The following SLC9C1 variants were observed in gnomAD, a reference collection of about 807,000 sequenced individuals.
The protein encoded by SLC9C1 is sodium/hydrogen exchanger 10.
Under a neutral mutation model 140.9 loss-of-function variants are expected in SLC9C1, and 97 were observed. The ratio of observed to expected loss-of-function variants is 0.69; its 90% CI spans 0.58 to 0.82. The LOEUF (loss-of-function observed/expected upper bound fraction) is 0.82. Among genes scored for constraint, SLC9C1 ranks in the 40% least tolerant of loss-of-function variants. The pLI is 0.00. For synonymous variants in SLC9C1, 440 were observed against 442.6 expected (o/e 0.99, Z 0.07); for missense variants, 1,340 against 1,389.3 (o/e 0.96, Z 0.56).
chr3:112,181,238 A>G (rs2077434335), intron 21 of SLC9C1, among the ~76,000 whole-genome samples: 1 of 152,210 alleles, frequency 6.6e-6, no homozygotes, highest in South Asian at 2.1e-4. Context: ...ATTAGAAAAG[A>G]AGTACTCTAG....
chr3:112,233,701 A>G (rs13080373), intron 12 of SLC9C1, among the ~76,000 whole-genome samples: 87,624 of 149,024 alleles, frequency 0.59, 26,320 homozygotes, highest in East Asian at 0.78. Flanking sequence ...TCATTGTTCA[A>G]TTCCCACCTA....
chr3:112,169,365 G>T (rs552774208), intron 23 of SLC9C1, 37 bp from the exon 24 acceptor site: 44 of 1,583,106 alleles, frequency 2.8e-5, no homozygotes, highest in Non-Finnish European at 3.8e-5. Context: ...ATTTTATTTT[G>T]TGCACTATGG....
In SLC9C1 at chr3:112,202,282, C is replaced by A. The variant is rs369206409; in HGVS notation, c.2290G>T (p.Asp764Tyr). 3 of 1,611,214 alleles carry A rather than the reference C, an allele frequency of 1.9e-6. No homozygotes were observed. Among genetic ancestry groups the A allele is most frequent in the Non-Finnish European group, 2.5e-6 (3 of 1,178,854 alleles). Reference sequence around the variant, plus strand: ...ATCTGTTTAGAACTTGTAATCTGATCAATTATGGTCATTATGTCTGCTTCG... The same window carrying A: ...ATCTGTTTAGAACTTGTAATCTGATAAATTATGGTCATTATGTCTGCTTCG... ...QGEADIMTII[D>Y]QITSSKQIKQ... The change falls in exon 18 of 29, where the codon GAT becomes TAT. Residue 764 changes from aspartate to tyrosine, a missense_variant. By Grantham distance (160) the Asp-to-Tyr change is radical (BLOSUM62 -3). Coordinates refer to ENST00000305815, the MANE Select transcript of SLC9C1 (RefSeq NM_183061.3).
chr3:112,204,737 T>G (rs1238444818), intron 16 of SLC9C1, among the ~76,000 whole-genome samples: 1 of 152,038 alleles, frequency 6.6e-6, no homozygotes, highest in Non-Finnish European at 1.5e-5. Flanking sequence ...TTAAAACAAG[T>G]TGCCCTAAAT....
rs115629742 is a variant in SLC9C1, at chr3:112,290,592, G to T, written c.-88+3501C>A. On this transcript the variant is annotated intron_variant, in intron 1 of 28. Coordinates refer to ENST00000305815, the MANE Select transcript of SLC9C1 (RefSeq NM_183061.3). Reference sequence around the variant, plus strand: ...GTTCATTTGAGCCTGCTGAGTTTAGGTCCTGAATATGTTTGTTAATTTTCT... The same window carrying T: ...GTTCATTTGAGCCTGCTGAGTTTAGTTCCTGAATATGTTTGTTAATTTTCT... Among the ~76,000 whole-genome samples the T allele has an allele frequency of 5.1e-3, 782 of 152,134 alleles. 6 individuals carry two copies. The highest frequency in any genetic ancestry group is 0.018 in the African/African-American group (736 of 41,512).
At chr3:112,254,068 C>T (rs1172954091) in intron 10 of SLC9C1, among the ~76,000 whole-genome samples, 1 of 152,136 alleles carries the variant, frequency 6.6e-6, no homozygotes, top group East Asian at 1.9e-4. Context: ...TTAAACAAAA[C>T]TTCTGAAAAA....
chr3:112,216,154 T>C (rs575711054), intron 15 of SLC9C1, among the ~76,000 whole-genome samples: 4 of 152,330 alleles, frequency 2.6e-5, no homozygotes, highest in East Asian at 1.9e-4. Flanking sequence ...GCTAGCCATA[T>C]GTAGAAAGCT....
chr3:112,247,171 C>T (rs6766122), intron 10 of SLC9C1, among the ~76,000 whole-genome samples: 44,752 of 151,994 alleles, frequency 0.29, 6,770 homozygotes, highest in East Asian at 0.35. Flanking sequence ...ATCCTGTCAA[C>T]GCATGCTTTA....
intron 10 of SLC9C1, among the ~76,000 whole-genome samples, chr3:112,249,514 T>G (rs2079388455): frequency 6.6e-6 from 1 of 152,120 alleles, no homozygotes; most frequent in Non-Finnish European, 1.5e-5. Flanking sequence ...TTTTTTGGAA[T>G]AGTTTTAGTA....
intron 12 of SLC9C1, among the ~76,000 whole-genome samples, chr3:112,239,598 A>G (rs9831530): frequency 0.59 from 89,503 of 151,746 alleles, 26,863 homozygotes; most frequent in East Asian, 0.76. Context: ...TCTTGGAACC[A>G]TGCCCCCAAA....
Position 112,169,025 on chromosome 3 carries a change from A to G in SLC9C1, c.3089T>C (p.Ile1030Thr). 6.3e-7 allele frequency: 1 copy of G among 1,599,070 alleles called. No homozygotes were observed. The highest frequency in any genetic ancestry group is 1.7e-4 in the Middle Eastern group (1 of 5,978). ...NYNMQLKLSN[I>T]YVVDIPMSTK... ...ACTCATTGGTATATCTACTACATAAATATTAGAGAGCTTTAGTTGCATATT... is the reference window on the plus strand; with the variant it reads ...ACTCATTGGTATATCTACTACATAAGTATTAGAGAGCTTTAGTTGCATATT... Residue 1030 changes from isoleucine (I) to threonine (T), a missense_variant, in exon 25 of 29, where the codon ATT becomes ACT. Ile to Thr is a moderately conservative substitution (Grantham distance 89). Transcript: ENST00000305815.
chr3:112,206,796 GA>G (rs1349398278), intron 16 of SLC9C1, among the ~76,000 whole-genome samples: 8 of 149,136 alleles, frequency 5.4e-5, no homozygotes, highest in Non-Finnish European at 1.2e-4. Flanking sequence ...TGAACAATCA[GA>G]ACACCTGGAC....
intron 20 of SLC9C1, chr3:112,185,595 C>T (rs2077519704): frequency 6.2e-7 from 1 of 1,602,796 alleles, no homozygotes; most frequent in Admixed American, 1.7e-5. Context: ...TCCCAGGGCT[C>T]GCCCGAAGCC....
chr3:112,181,809 G>A (rs999245795), intron 21 of SLC9C1, among the ~76,000 whole-genome samples: 8 of 151,488 alleles, frequency 5.3e-5, no homozygotes, highest in Admixed American at 2.0e-4. Context: ...TGAAAAACAA[G>A]GGCATTTCAA....
chr3:112,238,336 G>T (rs1349944159), intron 12 of SLC9C1, among the ~76,000 whole-genome samples: 1 of 152,180 alleles, frequency 6.6e-6, no homozygotes, highest in Non-Finnish European at 1.5e-5. Flanking sequence ...CTCTGCAATG[G>T]TTATTCTAGT....
chr3:112,217,870 T>G (rs1213096815), intron 14 of SLC9C1, among the ~76,000 whole-genome samples: 1 of 152,216 alleles, frequency 6.6e-6, no homozygotes, highest in Non-Finnish European at 1.5e-5. Flanking sequence ...TGGGTTTTCA[T>G]GTTAGATTCC....
intron 19 of SLC9C1, among the ~76,000 whole-genome samples, chr3:112,199,958 A>G (rs574515788): frequency 6.6e-6 from 1 of 152,000 alleles, no homozygotes; most frequent in African/African-American, 2.4e-5. Context: ...TGCCCATTTC[A>G]TCTGGATTCC....
At chr3:112,207,406 A>G (rs2078084812) in intron 16 of SLC9C1, among the ~76,000 whole-genome samples, 6 of 152,216 alleles carry the variant, frequency 3.9e-5, no homozygotes, top group Admixed American at 3.9e-4. Context: ...AGCTATAGAC[A>G]TGAATTTGGG....
At chr3:112,253,740 C>T (rs1316712639) in intron 10 of SLC9C1, among the ~76,000 whole-genome samples, 1 of 152,132 alleles carries the variant, frequency 6.6e-6, no homozygotes, top group African/African-American at 2.4e-5. Context: ...TCCAAATGAC[C>T]ACACTAGTTC....
Sources: allele counts gnomAD v4.1 joint callset (sites outside exome capture counted in the v4.1 genomes callset), GRCh38; gene constraint gnomAD v4.1.1; transcripts MANE v1.5; gene names NCBI Gene and HGNC (gene_info 2026-07-23, HGNC 2026-07-21).